Variants in DOCK2 observed in about 807,000 individuals in gnomAD.
The protein encoded by DOCK2 is dedicator of cytokinesis 2, also known as dedicator of cytokinesis protein 2.
A neutral mutation model predicts 248.9 loss-of-function variants in DOCK2; 87 were observed. The ratio of observed to expected loss-of-function variants is 0.35; its 90% CI spans 0.29 to 0.42. The LOEUF is 0.42. Ranked by LOEUF, DOCK2 falls within the 10% of genes least tolerant of loss-of-function variation. DOCK2 has a pLI of 1.00. For synonymous variants in DOCK2, 805 were observed against 821.6 expected, an observed-to-expected ratio of 0.98 and a Z score of 0.35; for missense variants, 1,747 against 2,300.2, an observed-to-expected ratio of 0.76 and a Z score of 4.92.
intron 27 of DOCK2, among the ~76,000 whole-genome samples, chr5:169,926,227 G>A (rs554727207): frequency 2.0e-5 from 3 of 152,294 alleles, no homozygotes; most frequent in East Asian, 3.9e-4. Context: ...TGGGGACCAC[G>A]GGGAAGCCAC....
intron 25 of DOCK2, among the ~76,000 whole-genome samples, chr5:169,769,133 C>T (rs1764953477): frequency 6.6e-6 from 1 of 152,122 alleles, no homozygotes; most frequent in South Asian, 2.1e-4. Context: ...CTTTTTGAGT[C>T]TCTACTTTGT....
At chr5:170,020,537 T>C (rs578067586) in intron 33 of DOCK2, among the ~76,000 whole-genome samples, 16 of 152,346 alleles carry the variant, frequency 1.1e-4, no homozygotes, top group Middle Eastern at 3.4e-3. Context: ...TATTAGTTCA[T>C]GCAGTCTTTT....
chr5:169,931,945 A>G (rs1044500224), intron 27 of DOCK2, among the ~76,000 whole-genome samples: 1 of 152,206 alleles, frequency 6.6e-6, no homozygotes, highest in Non-Finnish European at 1.5e-5. Flanking sequence ...TCATGTATTC[A>G]ACAAATACCT....
intron 26 of DOCK2, among the ~76,000 whole-genome samples, chr5:169,805,382 A>G (rs1445861304): frequency 7.2e-5 from 11 of 152,134 alleles, no homozygotes. Context: ...AGCCCAGGTG[A>G]CAGAACAGAC....
intron 27 of DOCK2, among the ~76,000 whole-genome samples, chr5:169,939,658 A>T (rs1400355901): frequency 6.6e-6 from 1 of 152,092 alleles, no homozygotes; most frequent in African/African-American, 2.4e-5. Flanking sequence ...TGCCACTAGG[A>T]GGTAGGAATT....
chr5:169,761,878 C>A (rs1270904394), intron 25 of DOCK2, among the ~76,000 whole-genome samples: 1 of 151,138 alleles, frequency 6.6e-6, no homozygotes, highest in Non-Finnish European at 1.5e-5. Context: ...GTTTTTTTTT[C>A]CCCCTGTATG....
intron 22 of DOCK2, among the ~76,000 whole-genome samples, chr5:169,727,126 A>G (rs1455350974): frequency 6.6e-6 from 1 of 150,810 alleles, no homozygotes; most frequent in African/African-American, 2.5e-5. Context: ...CCATGGGACG[A>G]AAGAGACTCT....
chr5:170,010,615 G>C (rs1041016538), intron 32 of DOCK2, among the ~76,000 whole-genome samples: 8 of 152,218 alleles, frequency 5.3e-5, no homozygotes, highest in African/African-American at 1.4e-4. Context: ...GAAGCCGGGA[G>C]ACTGGGTTTT....
At chr5:169,644,134 C>A (rs1013641299) in intron 1 of DOCK2, among the ~76,000 whole-genome samples, 1 of 152,154 alleles carries the variant, frequency 6.6e-6, no homozygotes, top group Non-Finnish European at 1.5e-5. Context: ...TCATAGGGAG[C>A]AGTGCCTCGT....
chr5:169,999,811 G>A (rs1441111963), intron 30 of DOCK2, among the ~76,000 whole-genome samples: 19 of 152,124 alleles, frequency 1.2e-4, no homozygotes, highest in Admixed American at 1.2e-3. Flanking sequence ...ATATCAGCAG[G>A]AACAGCATCC....
rs186370787 is a variant in DOCK2, at chr5:169,803,444, A to G, written c.2703+238A>G. Reference sequence around the variant, plus strand: ...TGTCTTGTTGGCCAGGCTTTCTCAGAATGTGGGTATAGACATTATTGCAGC... The same window carrying G: ...TGTCTTGTTGGCCAGGCTTTCTCAGGATGTGGGTATAGACATTATTGCAGC... On this transcript the variant is annotated intron_variant, in intron 26 of 51. Transcript: ENST00000520908. 3.9e-5 allele frequency among the ~76,000 whole-genome samples: 6 copies of G among 152,280 alleles called. No individual in the cohort carries two copies. In the East Asian group the frequency reaches 1.2e-3, roughly 29 times the overall value.
intron 13 of DOCK2, among the ~76,000 whole-genome samples, chr5:169,701,962 T>A (rs2161404): frequency 0.62 from 94,288 of 152,018 alleles, 30,241 homozygotes; most frequent in East Asian, 0.89. Flanking sequence ...GTTGTTTTCA[T>A]GGGACAGGAT....
At chr5:169,747,005 T>C (rs1581132092) in intron 22 of DOCK2, among the ~76,000 whole-genome samples, 1 of 152,226 alleles carries the variant, frequency 6.6e-6, no homozygotes, top group Non-Finnish European at 1.5e-5. Flanking sequence ...GAAATGGCAG[T>C]GCATTTGAAA....
chr5:169,656,184 A>G (rs2113193235), intron 2 of DOCK2, among the ~76,000 whole-genome samples: 1 of 152,322 alleles, frequency 6.6e-6, no homozygotes, highest in East Asian at 1.9e-4. Flanking sequence ...TGAAAATAAA[A>G]ACAGCAGCAA....
intron 22 of DOCK2, among the ~76,000 whole-genome samples, chr5:169,726,076 C>T (rs1490532161): frequency 1.3e-5 from 2 of 152,154 alleles, no homozygotes; most frequent in African/African-American, 2.4e-5. Flanking sequence ...CTTGAGGAAT[C>T]GCCACACTGT....
At chr5:169,965,803 G>C (rs1266607499) in intron 27 of DOCK2, among the ~76,000 whole-genome samples, 1 of 152,208 alleles carries the variant, frequency 6.6e-6, no homozygotes, top group Non-Finnish European at 1.5e-5. Context: ...GAGGCCTATA[G>C]AGGTTAAAAT....
At chr5:169,731,945 C>T (rs1162570430) in intron 22 of DOCK2, among the ~76,000 whole-genome samples, 1 of 151,946 alleles carries the variant, frequency 6.6e-6, no homozygotes, top group Non-Finnish European at 1.5e-5. Flanking sequence ...CATGGTGAAA[C>T]CCCATCTCTA....
chr5:169,839,015 T>A lies in DOCK2; in HGVS notation c.2704-1742T>A, dbSNP rs141878331. On this transcript the variant is annotated intron_variant, in intron 26 of 51. Transcript: ENST00000520908. ...ACTCCCTGCAATTCCTTACATTAAG[T>A]GACAAAACCACACTTAAGTTTAATG... Among the ~76,000 whole-genome samples, 210 of 152,266 alleles carry A rather than the reference T, an allele frequency of 1.4e-3. 1 individual carries two copies. The highest frequency in any genetic ancestry group is 4.7e-3 in the African/African-American group (195 of 41,548).
chr5:169,756,286 G>A (rs1160063785), intron 23 of DOCK2, among the ~76,000 whole-genome samples: 1 of 152,184 alleles, frequency 6.6e-6, no homozygotes, highest in East Asian at 1.9e-4. Context: ...CGGTTCCATC[G>A]TGTCCCTCCA....
Sources: gnomAD v4.1 joint callset for allele counts (sites outside exome capture counted in the v4.1 genomes callset) on GRCh38, gnomAD v4.1.1 for gene constraint, MANE v1.5 for transcripts, NCBI Gene and HGNC (gene_info 2026-07-23, HGNC 2026-07-21) for gene names.